Variants in ARHGAP32 observed in about 807,000 individuals in gnomAD.
ARHGAP32 encodes the protein Rho GTPase activating protein 32, also known as rho GTPase-activating protein 32.
In ARHGAP32, 51 loss-of-function variants were observed where a neutral mutation model predicts 186.5. That is an observed-to-expected ratio of 0.27 (90% CI 0.22 to 0.35). The LOEUF is 0.35. Ranked by LOEUF, ARHGAP32 falls within the 10% of genes least tolerant of loss-of-function variation. ARHGAP32 has a pLI of 1.00. For synonymous variants in ARHGAP32, 950 were observed against 964.3 expected, an observed-to-expected ratio of 0.99 and a Z score of 0.27; for missense variants, 2,186 against 2,623.5, an observed-to-expected ratio of 0.83 and a Z score of 3.64.
intron 11 of ARHGAP32, among the ~76,000 whole-genome samples, chr11:129,038,092 C>T (rs1939430670): frequency 6.6e-6 from 1 of 151,842 alleles, no homozygotes; most frequent in Non-Finnish European, 1.5e-5. Context: ...CAGAGCAAGA[C>T]TCTGCCTCAA....
Position 128,974,834 on chromosome 11 carries a change from G to C in ARHGAP32, c.2363C>G (p.Ser788Cys). Residue 788 changes from serine to cysteine, a missense_variant, in exon 21 of 23, where the codon TCT becomes TGT. This residue lies in a region of ARHGAP32 where 263 missense variants were observed against 323.5 expected (regional missense o/e 0.81). Coordinates refer to ENST00000682385, the MANE Select transcript of ARHGAP32 (RefSeq NM_001378024.1). ...GTCAACATCCTCAGCTGAATGAGGA[G>C]ACATAAGGGCTGGGATATGAAGCAG... ...GGLLHIPALM[S>C]PHSAEDVDLS... 2 of 1,614,102 alleles carry C rather than the reference G, an allele frequency of 1.2e-6. No individual in the cohort carries two copies. Among genetic ancestry groups the C allele is most frequent in the Non-Finnish European group, 1.7e-6 (2 of 1,179,998 alleles).
intron 2 of ARHGAP32, among the ~76,000 whole-genome samples, chr11:129,130,309 TCTC>T (rs1398613192): frequency 2.0e-5 from 3 of 152,074 alleles, no homozygotes; most frequent in Non-Finnish European, 4.4e-5. Context: ...ACTTCAATCT[TCTC>T]TTAAATAATA....
intron 1 of ARHGAP32, among the ~76,000 whole-genome samples, chr11:129,259,492 G>A (rs951483575): frequency 2.6e-5 from 4 of 151,224 alleles, no homozygotes; most frequent in African/African-American, 9.7e-5. Flanking sequence ...TACTTTTCCT[G>A]TACATTTATT....
intron 10 of ARHGAP32, among the ~76,000 whole-genome samples, chr11:129,047,094 C>T (rs1939842358): frequency 6.6e-6 from 1 of 150,476 alleles, no homozygotes; most frequent in Non-Finnish European, 1.5e-5. Flanking sequence ...AGCCACTGCA[C>T]TCCAGCCTGG....
chr11:129,030,905 A>G (rs1939084818), intron 11 of ARHGAP32, among the ~76,000 whole-genome samples: 1 of 152,158 alleles, frequency 6.6e-6, no homozygotes, highest in Non-Finnish European at 1.5e-5. Flanking sequence ...TTGTATAAGT[A>G]TGTGGTACTC....
upstream of ARHGAP32, among the ~76,000 whole-genome samples, chr11:129,194,775 G>A (rs1432779222): frequency 6.6e-6 from 1 of 151,570 alleles, no homozygotes; most frequent in African/African-American, 2.4e-5. Flanking sequence ...AAGAAAGAAA[G>A]ATAGTTTTTC....
chr11:129,232,329 A>T (rs557401421), intron 1 of ARHGAP32, among the ~76,000 whole-genome samples: 1 of 152,324 alleles, frequency 6.6e-6, no homozygotes, highest in African/African-American at 2.4e-5. Context: ...CACCTGAGTG[A>T]CTGAACTAGA....
intron 2 of ARHGAP32, among the ~76,000 whole-genome samples, chr11:129,157,861 A>G (rs1383214295): frequency 6.6e-6 from 1 of 152,228 alleles, no homozygotes; most frequent in African/African-American, 2.4e-5. Context: ...AGGGAAGCCC[A>G]TCAGACTGAC....
rs77005710 is a variant in ARHGAP32, at chr11:129,029,478, G to T, written c.1045+11450C>A. On this transcript the variant is annotated intron_variant, in intron 11 of 22. Coordinates refer to ENST00000682385, the MANE Select transcript of ARHGAP32 (RefSeq NM_001378024.1). ...ATCCTACTTGTGAAGCCTCAGGCAG[G>T]TGTCTTAAGCTTCCAGTTGCTCCAT... 2.4e-3 allele frequency among the ~76,000 whole-genome samples: 359 copies of T among 152,242 alleles called. 1 individual carries two copies. Among genetic ancestry groups the T allele is most frequent in the African/African-American group, 8.4e-3 (350 of 41,538 alleles).
At chr11:129,255,741 CAGA>C (rs1945246181) in intron 1 of ARHGAP32, among the ~76,000 whole-genome samples, 1 of 152,000 alleles carries the variant, frequency 6.6e-6, no homozygotes, top group Non-Finnish European at 1.5e-5. Flanking sequence ...ATACACCCAC[CAGA>C]AGGACTACGT....
At chr11:129,100,478 A>G (rs1941861777) in intron 5 of ARHGAP32, among the ~76,000 whole-genome samples, 1 of 152,042 alleles carries the variant, frequency 6.6e-6, no homozygotes, top group East Asian at 1.9e-4. Context: ...CTCCCTCCCC[A>G]TATGTCAGCT....
chr11:129,244,254 G>A (rs535014147), intron 1 of ARHGAP32, among the ~76,000 whole-genome samples: 1 of 152,284 alleles, frequency 6.6e-6, no homozygotes, highest in South Asian at 2.1e-4. Flanking sequence ...AAAGAAAACT[G>A]AGTCAGAGAG....
chr11:129,066,701 A>T (rs959783471), intron 7 of ARHGAP32, 30 bp downstream of exon 7: 1 of 1,597,606 alleles, frequency 6.3e-7, no homozygotes, highest in African/African-American at 1.4e-5. Context: ...TATAGTGATT[A>T]CCTCTGTACT....
chr11:129,098,792 T>C (rs1234468092), intron 5 of ARHGAP32, among the ~76,000 whole-genome samples: 3 of 152,282 alleles, frequency 2.0e-5, no homozygotes, highest in African/African-American at 7.2e-5. Flanking sequence ...GAAAAATGTA[T>C]AAAGATGTAA....
At chr11:128,990,299 T>C (rs1946010979) in intron 12 of ARHGAP32, among the ~76,000 whole-genome samples, 1 of 152,218 alleles carries the variant, frequency 6.6e-6, no homozygotes, top group Admixed American at 6.5e-5. Context: ...TTATCATTTA[T>C]TTGTTCATAC....
chr11:129,257,239 G>T (rs769257364), intron 1 of ARHGAP32, among the ~76,000 whole-genome samples: 1 of 152,166 alleles, frequency 6.6e-6, no homozygotes, highest in Admixed American at 6.6e-5. Context: ...TACCAATATT[G>T]AAATATTTTT....
At chr11:129,257,857 T>C (rs1038928685) in intron 1 of ARHGAP32, among the ~76,000 whole-genome samples, 1 of 152,086 alleles carries the variant, frequency 6.6e-6, no homozygotes, top group African/African-American at 2.4e-5. Context: ...ACACTGGCCA[T>C]TTCATAAAAT....
intron 11 of ARHGAP32, among the ~76,000 whole-genome samples, chr11:129,003,596 A>G (rs1937624195): frequency 2.0e-5 from 3 of 152,034 alleles, no homozygotes; most frequent in African/African-American, 7.2e-5. Flanking sequence ...GGATTTCTTC[A>G]TGGTTTGATC....
intron 1 of ARHGAP32, among the ~76,000 whole-genome samples, chr11:129,213,642 A>G (rs1944610010): frequency 6.6e-6 from 1 of 152,148 alleles, no homozygotes; most frequent in African/African-American, 2.4e-5. Context: ...ATATAAATAG[A>G]CAAAACTGAA....
Sources: gnomAD v4.1 joint callset for allele counts (sites outside exome capture counted in the v4.1 genomes callset) on GRCh38, gnomAD v4.1.1 for gene constraint, gnomAD v4.1.1 regional missense constraint, MANE v1.5 for transcripts, NCBI Gene and HGNC (gene_info 2026-07-23, HGNC 2026-07-21) for gene names.